The following SPAG17 variants were observed in gnomAD, a reference collection of about 807,000 sequenced individuals.
The protein encoded by SPAG17 is sperm-associated antigen 17.
Under a neutral mutation model 273.6 loss-of-function variants are expected in SPAG17, and 169 were observed. That is an observed-to-expected ratio of 0.62 (90% CI 0.55 to 0.70). The LOEUF (loss-of-function observed/expected upper bound fraction) is 0.70. Ranked by LOEUF, SPAG17 falls within the 30% of genes least tolerant of loss-of-function variation. The probability of loss-of-function intolerance (pLI) is 0.00; values close to 1 mark genes in which losing one functional copy is unlikely to be tolerated. For missense variants in SPAG17, 2,557 were observed against 2,627.8 expected, an observed-to-expected ratio of 0.97 and a Z score of 0.59; for synonymous variants, 825 against 873.2, an observed-to-expected ratio of 0.94 and a Z score of 0.97.
intron 27 of SPAG17, among the ~76,000 whole-genome samples, chr1:118,024,482 T>C (rs547439221): frequency 3.9e-5 from 6 of 152,328 alleles, no homozygotes; most frequent in South Asian, 2.1e-4. Flanking sequence ...CTATTTCTTT[T>C]AGATATTGAA....
chr1:118,115,289 AC>A lies in SPAG17; in HGVS notation c.447+20del, dbSNP rs745333614. 5.6e-6 allele frequency: 9 copies of A among 1,610,080 alleles called. No homozygotes were observed. The South Asian group carries it at 9.9e-5, about 18-fold the overall frequency. On this transcript the variant is annotated intron_variant, in intron 4 of 48. Coordinates refer to ENST00000336338, the MANE Select transcript of SPAG17 (RefSeq NM_206996.4). ...ATTCACCACTTGCCCTCTTTAGAAAACCCACCAGATCGTACAGTACCTTCTT... is the reference window on the plus strand; with the variant it reads ...ATTCACCACTTGCCCTCTTTAGAAAACCACCAGATCGTACAGTACCTTCTT...
intron 1 of SPAG17, among the ~76,000 whole-genome samples, chr1:118,174,490 A>G (rs1000785497): frequency 6.6e-6 from 1 of 152,212 alleles, no homozygotes; most frequent in African/African-American, 2.4e-5. Flanking sequence ...AAGGGATACC[A>G]CCAGGCAGAC....
Position 118,023,387 on chromosome 1 carries a change from G to T in SPAG17, c.3986C>A (p.Thr1329Lys). Residue 1329 changes from threonine to lysine, a missense_variant, in exon 28 of 49, where the codon ACG (threonine) becomes AAG (lysine). By Grantham distance (78) the Thr-to-Lys change is moderately conservative. Coordinates refer to ENST00000336338, the MANE Select transcript of SPAG17 (RefSeq NM_206996.4). The stretch of plus-strand genomic sequence containing the variant: ...GTCCATCAAATCTCCACTGTGAGGC[G>T]TTGCTGGCATTTCAGAAGGAGGACA... ...LICPPSEMPA[T>K]PHSGDLMDSI... The T allele has an allele frequency of 6.2e-7, 1 of 1,612,530 alleles. No homozygotes were observed. The highest frequency in any genetic ancestry group is 8.5e-7 in the Non-Finnish European group (1 of 1,178,982).
intron 17 of SPAG17, among the ~76,000 whole-genome samples, chr1:118,072,291 T>C (rs973922962): frequency 2.6e-5 from 4 of 152,168 alleles, no homozygotes; most frequent in Non-Finnish European, 4.4e-5. Flanking sequence ...TTACTTCCCG[T>C]CTATCTTAAT....
At chr1:117,954,436 G>T in intron 48 of SPAG17, 1 of 746,348 alleles carries the variant, frequency 1.3e-6, no homozygotes, top group South Asian at 2.0e-5. Flanking sequence ...TAACAGGTTT[G>T]ATAATTCTTT....
chr1:118,070,166 G>A (rs1406710309), intron 17 of SPAG17, among the ~76,000 whole-genome samples: 2 of 152,052 alleles, frequency 1.3e-5, no homozygotes, highest in Non-Finnish European at 2.9e-5. Flanking sequence ...AAGGAGAGGA[G>A]ATAAAGGCAC....
chr1:117,962,046 G>A (rs994824958), intron 48 of SPAG17: 1 of 151,086 alleles, frequency 6.6e-6, no homozygotes, highest in African/African-American at 2.4e-5. Flanking sequence ...GAGGGCATTC[G>A]AGATGTATAC....
In SPAG17 at chr1:117,992,656, C is replaced by A. The variant is rs375049334; in HGVS notation, c.5179-8G>T. On this transcript the variant is annotated splice_region_variant and splice_polypyrimidine_tract_variant and intron_variant, in intron 35 of 48. Coordinates refer to ENST00000336338, the MANE Select transcript of SPAG17 (RefSeq NM_206996.4). ...AGGTCCTGGAGTTTTTTTCTGTTAA[C>A]AAAACAAAGCAATAACACCACCAAA... is the stretch of plus-strand genomic sequence containing the variant. 1.8e-4 allele frequency: 274 copies of A among 1,563,646 alleles called. No homozygotes were observed. The highest frequency in any genetic ancestry group is 2.3e-4 in the Non-Finnish European group (268 of 1,159,876).
At chr1:118,132,376 T>A (rs1294579206) in intron 3 of SPAG17, among the ~76,000 whole-genome samples, 1 of 152,124 alleles carries the variant, frequency 6.6e-6, no homozygotes, top group East Asian at 1.9e-4. Flanking sequence ...TGGCTGTGGG[T>A]GCCGGGTTGG....
intron 3 of SPAG17, among the ~76,000 whole-genome samples, chr1:118,139,286 A>AT (rs1383622671): frequency 1.3e-5 from 2 of 152,126 alleles, no homozygotes; most frequent in Non-Finnish European, 2.9e-5. Context: ...CTGTCAGATA[A>AT]TTTTTTTCAA....
chr1:118,016,116 G>T lies in SPAG17; in HGVS notation c.4136C>A (p.Ala1379Glu). The change falls in exon 29 of 49, where the codon GCA becomes GAA. Residue 1379 changes from alanine to glutamate, a missense_variant. Coordinates refer to ENST00000336338, the MANE Select transcript of SPAG17 (RefSeq NM_206996.4). ...CTCCACAGGAGTTACAGTTTGAACTGCCTCTGGAGGAGGGTCATGGATTTC... is the reference window on the plus strand; with the variant it reads ...CTCCACAGGAGTTACAGTTTGAACTTCCTCTGGAGGAGGGTCATGGATTTC... ...KGEIHDPPPE[A>E]VQTVTPVEVH... 1.2e-6 allele frequency: 2 copies of T among 1,614,076 alleles called. No individual in the cohort carries two copies. The highest frequency in any genetic ancestry group is 1.7e-6 in the Non-Finnish European group (2 of 1,179,972).
chr1:118,120,625 A>G (rs897184325), intron 3 of SPAG17, among the ~76,000 whole-genome samples: 1 of 152,192 alleles, frequency 6.6e-6, no homozygotes, highest in African/African-American at 2.4e-5. Flanking sequence ...TATGGCTTCC[A>G]AGCTAAGATA....
chr1:117,966,501 T>G (rs905537285), intron 47 of SPAG17, 108 bp downstream of exon 47: 8 of 1,118,912 alleles, frequency 7.1e-6, no homozygotes, highest in Non-Finnish European at 8.6e-6. Context: ...AACTCTGATT[T>G]TGAAGATAGA....
At chr1:118,074,340 T>C (rs772924277) in intron 16 of SPAG17, among the ~76,000 whole-genome samples, 199 bp downstream of exon 16, 1 of 152,200 alleles carries the variant, frequency 6.6e-6, no homozygotes, top group Non-Finnish European at 1.5e-5. Flanking sequence ...TGGGAAGTTA[T>C]GCGCAAGCCG....
chr1:117,981,527 C>G (rs1655814958), intron 42 of SPAG17, 126 bp from the exon 43 acceptor site: 1 of 950,716 alleles, frequency 1.1e-6, no homozygotes, highest in South Asian at 1.7e-5. Flanking sequence ...TTCTGCCACT[C>G]TCTTTAGAAA....
intron 1 of SPAG17, among the ~76,000 whole-genome samples, chr1:118,162,723 AATTGTTTCAT>A (rs1659990484): frequency 6.6e-6 from 1 of 152,138 alleles, no homozygotes; most frequent in Admixed American, 6.5e-5. Context: ...ATGGAGCCCA[AATTGTTTCAT>A]ATTGTATTAA....
chr1:118,181,207 G>A (rs1204810182), intron 1 of SPAG17, among the ~76,000 whole-genome samples: 7 of 151,868 alleles, frequency 4.6e-5, no homozygotes, highest in Admixed American at 3.9e-4. Flanking sequence ...GGCACCAATG[G>A]AGGTAACAAA....
At chr1:118,073,480 A>G (rs1653799921) in intron 17 of SPAG17, among the ~76,000 whole-genome samples, 1 of 152,228 alleles carries the variant, frequency 6.6e-6, no homozygotes, top group African/African-American at 2.4e-5. Flanking sequence ...ATACTGTGAA[A>G]TGTGGTGAAA....
intron 7 of SPAG17, 65 bp downstream of exon 7, chr1:118,097,605 T>C: frequency 7.6e-7 from 1 of 1,310,560 alleles, no homozygotes; most frequent in Admixed American, 2.6e-5. Context: ...GATGAATAAA[T>C]GGAGCAAATA....
Sources: gnomAD v4.1 joint callset for allele counts (sites outside exome capture counted in the v4.1 genomes callset) on GRCh38, gnomAD v4.1.1 for gene constraint, MANE v1.5 for transcripts, NCBI Gene and HGNC (gene_info 2026-07-23, HGNC 2026-07-21) for gene names.